The following SVIL variants were observed in gnomAD, a reference collection of about 807,000 sequenced individuals.
SVIL encodes archvillin.
Under a neutral mutation model 240.4 loss-of-function variants are expected in SVIL, and 101 were observed. The observed-to-expected ratio is 0.42, with a 90% confidence interval of 0.36 to 0.50. SVIL has a LOEUF of 0.50. SVIL is among the 20% of genes least tolerant of loss of function. The pLI is 0.01. For missense variants in SVIL, 2,512 were observed against 2,818.7 expected (o/e 0.89, Z 2.46); for synonymous variants, 999 against 1,100.0 (o/e 0.91, Z 1.82).
intron 18 of SVIL, among the ~76,000 whole-genome samples, chr10:29,497,685 G>T (rs1948550555): frequency 1.3e-5 from 2 of 152,198 alleles, no homozygotes; most frequent in African/African-American, 4.8e-5. Context: ...GATGGAGAAG[G>T]ACCTAGGAAT....
chr10:29,542,461 G>C (rs1303524460), intron 6 of SVIL, among the ~76,000 whole-genome samples: 1 of 151,854 alleles, frequency 6.6e-6, no homozygotes, highest in Non-Finnish European at 1.5e-5. Flanking sequence ...TTACGAAATT[G>C]CTAAAATCCT....
At chr10:29,638,976 TTA>T (rs933096394), upstream of SVIL, among the ~76,000 whole-genome samples, 4 of 152,166 alleles carry the variant, frequency 2.6e-5, no homozygotes, top group Non-Finnish European at 5.9e-5. Flanking sequence ...TATTTCATTT[TTA>T]GAGACAGGTT....
chr10:29,532,882 G>T lies in SVIL; in HGVS notation c.1485C>A (p.Asn495Lys), dbSNP rs114912231. The T allele has an allele frequency of 1.2e-6, 2 of 1,614,098 alleles. No homozygotes were observed. Among genetic ancestry groups the T allele is most frequent in the African/African-American group, 2.7e-5 (2 of 75,026 alleles). ...VTLEHQKELE[N>K]VAQPPQAPHQ... ...GCGGAGCTTGAGGGGGTTGTGCCACGTTTTCCAGTTCCTTCTGATGCTCTA... is the reference window on the plus strand; with the variant it reads ...GCGGAGCTTGAGGGGGTTGTGCCACTTTTTCCAGTTCCTTCTGATGCTCTA... Residue 495 changes from asparagine (N) to lysine (K), a missense_variant, in exon 8 of 38, where the codon AAC becomes AAA. Coordinates refer to ENST00000355867, the MANE Select transcript of SVIL (RefSeq NM_021738.3).
At chr10:29,671,797 C>A (rs1170212375) in intron 2 of SVIL, among the ~76,000 whole-genome samples, 4 of 152,198 alleles carry the variant, frequency 2.6e-5, no homozygotes, top group African/African-American at 9.6e-5. Flanking sequence ...AAATCCTCTG[C>A]CAACACTGAA....
rs529122539 is a variant in SVIL, at chr10:29,607,852, T to G, written c.-201+26568A>C. Among the ~76,000 whole-genome samples the G allele has an allele frequency of 2.0e-4, 31 of 152,330 alleles. No homozygotes were observed. In the South Asian group the frequency reaches 5.4e-3, roughly 26 times the overall value. ...GGCAAGGCTCAAGGAGCTGGGAACCTGGAGTAAGAAGAAGATGTGAACTGA... is the reference window on the plus strand; with the variant it reads ...GGCAAGGCTCAAGGAGCTGGGAACCGGGAGTAAGAAGAAGATGTGAACTGA... On this transcript the variant is annotated intron_variant, in intron 1 of 37. Coordinates refer to ENST00000355867, the MANE Select transcript of SVIL (RefSeq NM_021738.3).
At chr10:29,609,957 C>A (rs988336273) in intron 1 of SVIL, among the ~76,000 whole-genome samples, 2 of 152,222 alleles carry the variant, frequency 1.3e-5, no homozygotes, top group East Asian at 3.9e-4. Flanking sequence ...GTGCCACCAG[C>A]AACAGAGGTT....
intron 1 of SVIL, among the ~76,000 whole-genome samples, chr10:29,722,567 A>C (rs557038350): frequency 6.6e-6 from 1 of 152,346 alleles, no homozygotes; most frequent in East Asian, 1.9e-4. Flanking sequence ...TTTCCAATTC[A>C]GCACCAAACC....
intron 1 of SVIL, among the ~76,000 whole-genome samples, chr10:29,633,959 A>T (rs1316907158): frequency 6.6e-6 from 1 of 152,212 alleles, no homozygotes; most frequent in Non-Finnish European, 1.5e-5. Flanking sequence ...AACAAAGATT[A>T]TGCAAAAGGA....
upstream of SVIL, among the ~76,000 whole-genome samples, chr10:29,639,398 C>T (rs1247461): frequency 0.19 from 28,765 of 150,508 alleles, 2,959 homozygotes; most frequent in South Asian, 0.35. Context: ...CTCGATCTCT[C>T]GATTTCGTGA....
At chr10:29,537,276 A>C (rs1489725867) in intron 6 of SVIL, among the ~76,000 whole-genome samples, 1 of 152,228 alleles carries the variant, frequency 6.6e-6, no homozygotes, top group Non-Finnish European at 1.5e-5. Flanking sequence ...TAGTAAGTGC[A>C]AGTAATGAGC....
chr10:29,634,761 G>C lies in SVIL; in HGVS notation c.-542C>G, dbSNP rs915044345. The C allele has an allele frequency of 2.6e-5, 4 of 152,142 alleles. No individual in the cohort carries two copies. Among genetic ancestry groups the C allele is most frequent in the Non-Finnish European group, 5.9e-5 (4 of 68,032 alleles). The allele number at this position is 152,142 out of a possible 1,614,324, so 9.4% of individuals were successfully genotyped here. On this transcript the variant is annotated 5_prime_UTR_variant, in exon 1 of 38. Transcript: ENST00000355867. ...AAAGGCTTTTTGGATGTCAAATTCA[G>C]GAAACAGGTAAAGGCTACATCCCAA...
At chr10:29,596,022 C>T (rs1197926908) in intron 1 of SVIL, among the ~76,000 whole-genome samples, 2 of 152,192 alleles carry the variant, frequency 1.3e-5, no homozygotes, top group Non-Finnish European at 2.9e-5. Flanking sequence ...TACAGTCATG[C>T]ATGATGAGGC....
In SVIL at chr10:29,532,677, C is replaced by G; in HGVS notation, c.1690G>C (p.Asp564His). The G allele has an allele frequency of 6.2e-7, 1 of 1,614,180 alleles. No homozygotes were observed. ...PPQLQALKYK[D>H]PASRRELELP... ...TCCAGCTCTCTCCTGGAAGCTGGGT[C>G]CTTATACTTCAAGGCCTGGAGCTGA... is the stretch of plus-strand genomic sequence containing the variant. Residue 564 changes from aspartate (D) to histidine (H), a missense_variant, in exon 8 of 38, where the codon GAC becomes CAC. Asp to His is a moderately conservative substitution (Grantham distance 81). Around this residue, in one of 3 missense-constraint regions of SVIL, gnomAD observed 1,443 missense variants for 1,486.6 expected, o/e 0.97. Coordinates refer to ENST00000355867, the MANE Select transcript of SVIL (RefSeq NM_021738.3).
chr10:29,494,189 A>C (rs904027818), intron 20 of SVIL, among the ~76,000 whole-genome samples: 1 of 152,246 alleles, frequency 6.6e-6, no homozygotes, highest in African/African-American at 2.4e-5. Context: ...CAAGAAAAAA[A>C]AAAAGCAAGT....
chr10:29,538,186 G>A (rs1412496029), intron 6 of SVIL, among the ~76,000 whole-genome samples: 1 of 152,158 alleles, frequency 6.6e-6, no homozygotes, highest in Non-Finnish European at 1.5e-5. Context: ...TAAAAGAAGT[G>A]CAATACAACT....
chr10:29,524,509 T>A lies in SVIL; in HGVS notation c.2549A>T (p.Tyr850Phe), dbSNP rs756173045. The A allele has an allele frequency of 5.3e-5, 86 of 1,614,074 alleles. No individual in the cohort carries two copies. The South Asian group carries it at 8.7e-4, about 16-fold the overall frequency. Residue 850 changes from tyrosine (Y) to phenylalanine (F), a missense_variant, in exon 14 of 38, where the codon TAT (tyrosine) becomes TTT (phenylalanine). This residue lies in a region of SVIL where 1,443 missense variants were observed against 1,486.6 expected (regional missense o/e 0.97). Transcript: ENST00000355867. The part of the protein sequence containing the change: ...DTRQRRMNAR[Y>F]QTQPVTLGEV... ...TCCCAGTGTGACTGGCTGAGTTTGATAGCGAGCGTTCATTCTCCTCTGTCT... is the reference window on the plus strand; with the variant it reads ...TCCCAGTGTGACTGGCTGAGTTTGAAAGCGAGCGTTCATTCTCCTCTGTCT...
At chr10:29,458,688 C>T (rs1943857035) in intron 36 of SVIL, 99 bp from the exon 37 acceptor site, 15 of 1,350,420 alleles carry the variant, frequency 1.1e-5, no homozygotes, top group South Asian at 4.3e-5. Flanking sequence ...CACCTGCATA[C>T]TGCCTGAGGA....
chr10:29,511,940 C>T (rs890172095), intron 17 of SVIL, among the ~76,000 whole-genome samples: 3 of 152,220 alleles, frequency 2.0e-5, no homozygotes, highest in African/African-American at 4.8e-5. Flanking sequence ...TGGGGATCAT[C>T]GGGTTGAAAG....
intron 16 of SVIL, among the ~76,000 whole-genome samples, chr10:29,517,926 G>T (rs561270336): frequency 6.6e-6 from 1 of 152,118 alleles, no homozygotes; most frequent in Non-Finnish European, 1.5e-5. Flanking sequence ...TATTTAATTC[G>T]CAATGTTTCT....
Sources: allele counts gnomAD v4.1 joint callset (sites outside exome capture counted in the v4.1 genomes callset), GRCh38; gene constraint gnomAD v4.1.1; regional missense constraint gnomAD v4.1.1; transcripts MANE v1.5; gene names NCBI Gene and HGNC (gene_info 2026-07-23, HGNC 2026-07-21).